FBXL17: variants seen among roughly 807,000 people sequenced by gnomAD.
FBXL17 encodes F-box and leucine rich repeat protein 17, also known as F-box/LRR-repeat protein 17.
FBXL17 carries 22 observed loss-of-function variants against 66.2 expected under a neutral mutation model. The ratio of observed to expected loss-of-function variants is 0.33; its 90% CI spans 0.24 to 0.47. The LOEUF (loss-of-function observed/expected upper bound fraction) is 0.47, where lower values mean the gene tolerates loss of function less well. FBXL17 is among the 20% of genes least tolerant of loss of function. The pLI is 1.00. For missense variants in FBXL17, 878 were observed against 948.2 expected (o/e 0.93, Z 0.97); for synonymous variants, 474 against 400.5 (o/e 1.18, Z -2.19).
At chr5:108,009,194 CATATATATATATAT>C (rs373679985) in intron 7 of FBXL17, among the ~76,000 whole-genome samples, 10 of 54,160 alleles carry the variant, frequency 1.8e-4, no homozygotes, top group East Asian at 9.8e-4. Context: ...ATTTGAAAAG[CATATATATATATAT>C]ATATATATAT....
chr5:108,060,720 C>T (rs1747886371), intron 6 of FBXL17, among the ~76,000 whole-genome samples: 1 of 151,996 alleles, frequency 6.6e-6, no homozygotes, highest in Non-Finnish European at 1.5e-5. Flanking sequence ...TCATTCCATC[C>T]CCCCCTCCCA....
chr5:108,123,855 T>C (rs1165709680), intron 6 of FBXL17, among the ~76,000 whole-genome samples: 1 of 152,150 alleles, frequency 6.6e-6, no homozygotes, highest in Non-Finnish European at 1.5e-5. Context: ...TACTTTCATA[T>C]GGAAAACATA....
intron 7 of FBXL17, among the ~76,000 whole-genome samples, chr5:107,888,107 C>T (rs1749035655): frequency 6.6e-6 from 1 of 152,162 alleles, no homozygotes; most frequent in Admixed American, 6.5e-5. Flanking sequence ...TGTACACTGA[C>T]CACACTCTAA....
At chr5:107,904,976 G>A (rs928454840) in intron 7 of FBXL17, among the ~76,000 whole-genome samples, 1 of 151,760 alleles carries the variant, frequency 6.6e-6, no homozygotes, top group Admixed American at 6.6e-5. Context: ...GGAAGAGGAG[G>A]GAAGAGGAAA....
intron 6 of FBXL17, among the ~76,000 whole-genome samples, chr5:108,058,898 A>G (rs1413071481): frequency 6.6e-6 from 1 of 152,190 alleles, no homozygotes; most frequent in African/African-American, 2.4e-5. Context: ...ATGATTGTTT[A>G]GCTGAATATG....
intron 6 of FBXL17, among the ~76,000 whole-genome samples, chr5:108,082,869 A>G (rs1428536065): frequency 2.0e-5 from 3 of 152,216 alleles, no homozygotes; most frequent in African/African-American, 7.2e-5. Context: ...AAATAGTTGA[A>G]TTCTTCCAAT....
At chr5:108,366,668 C>T (rs975315217) in intron 2 of FBXL17, among the ~76,000 whole-genome samples, 1 of 151,960 alleles carries the variant, frequency 6.6e-6, no homozygotes, top group Non-Finnish European at 1.5e-5. Flanking sequence ...TGATAGATTG[C>T]TTTACACATA....
intron 4 of FBXL17, among the ~76,000 whole-genome samples, chr5:108,341,699 T>G (rs1450289795): frequency 6.6e-6 from 1 of 152,136 alleles, no homozygotes; most frequent in Non-Finnish European, 1.5e-5. Context: ...AACCTGGTCC[T>G]TTCTTTCTTT....
intron 8 of FBXL17, among the ~76,000 whole-genome samples, chr5:107,863,554 T>G (rs1748191528): frequency 6.6e-6 from 1 of 152,022 alleles, no homozygotes; most frequent in African/African-American, 2.4e-5. Context: ...ATTCACTCTT[T>G]CAATACTCCC....
At chr5:108,055,287 A>C (rs1316993758) in intron 6 of FBXL17, among the ~76,000 whole-genome samples, 1 of 46,858 alleles carries the variant, frequency 2.1e-5, no homozygotes, top group African/African-American at 9.6e-5. Context: ...TTAGAAAAAA[A>C]AAAAAAAAAA....
chr5:108,212,679 T>A (rs1754429498), intron 5 of FBXL17, among the ~76,000 whole-genome samples: 1 of 152,294 alleles, frequency 6.6e-6, no homozygotes, highest in East Asian at 1.9e-4. Flanking sequence ...TGATCTTTCC[T>A]CAGGAAGCTT....
intron 6 of FBXL17, among the ~76,000 whole-genome samples, chr5:108,126,646 T>TATATATATATATA (rs1324129944): frequency 4.4e-4 from 34 of 77,390 alleles, no homozygotes; most frequent in African/African-American, 1.4e-3. Context: ...TCTCTCTCTC[T>TATATATATATATA]CTCTCTATAT....
intron 4 of FBXL17, among the ~76,000 whole-genome samples, chr5:108,237,978 A>G (rs1755681257): frequency 6.6e-6 from 1 of 152,234 alleles, no homozygotes; most frequent in African/African-American, 2.4e-5. Context: ...CCATTTGTTT[A>G]CTCAACTCTT....
rs372216434 is a variant in FBXL17, at chr5:108,322,712, C to T, written c.1506+25687G>A. Among the ~76,000 whole-genome samples, 138 of 151,942 alleles carry T rather than the reference C, an allele frequency of 9.1e-4. 2 individuals are homozygous for T. In the South Asian group the frequency reaches 0.027, roughly 30 times the overall value. On this transcript the variant is annotated intron_variant, in intron 4 of 8. Coordinates refer to ENST00000542267, the MANE Select transcript of FBXL17 (RefSeq NM_001163315.3). The stretch of plus-strand genomic sequence containing the variant: ...AACTATTACTCTAGATCTCTCAAAT[C>T]ATCTATTAAATTTCCATCAATAATT...
chr5:108,020,575 T>C (rs1754554897), intron 7 of FBXL17, among the ~76,000 whole-genome samples: 2 of 151,916 alleles, frequency 1.3e-5, no homozygotes, highest in Admixed American at 6.6e-5. Context: ...AAACTCAATG[T>C]AATAATTTTC....
rs552214304 is a variant in FBXL17 at position 108,159,849 on chromosome 5, C to G, written c.1745+26268G>C. On this transcript the variant is annotated intron_variant, in intron 6 of 8. Transcript: ENST00000542267. Reference sequence around the variant, plus strand: ...GATGTCTTTTACGAGCCAAAATCCCCTAAATACTACATGAAGATATAAAAG... The same window carrying G: ...GATGTCTTTTACGAGCCAAAATCCCGTAAATACTACATGAAGATATAAAAG... Among the ~76,000 whole-genome samples, 36 of 152,202 alleles carry G rather than the reference C, an allele frequency of 2.4e-4. 1 individual carries two copies. The South Asian group carries it at 6.6e-3, about 28-fold the overall frequency.
intron 1 of FBXL17, among the ~76,000 whole-genome samples, chr5:108,371,678 A>G (rs1269451732): frequency 6.6e-6 from 1 of 152,228 alleles, no homozygotes; most frequent in Non-Finnish European, 1.5e-5. Context: ...AATTATGAGA[A>G]CCAAATAGAA....
chr5:108,053,845 A>G (rs1480355440), intron 6 of FBXL17, among the ~76,000 whole-genome samples: 1 of 152,210 alleles, frequency 6.6e-6, no homozygotes, highest in Non-Finnish European at 1.5e-5. Context: ...ACAATACCAA[A>G]GTCATAGAAC....
At chr5:108,057,592 C>T (rs899759541) in intron 6 of FBXL17, among the ~76,000 whole-genome samples, 1 of 152,126 alleles carries the variant, frequency 6.6e-6, no homozygotes, top group Non-Finnish European at 1.5e-5. Flanking sequence ...GCACAATCTT[C>T]AAAAACTCTA....
Sources: gnomAD v4.1 joint callset for allele counts (sites outside exome capture counted in the v4.1 genomes callset) on GRCh38, gnomAD v4.1.1 for gene constraint, MANE v1.5 for transcripts, NCBI Gene and HGNC (gene_info 2026-07-23, HGNC 2026-07-21) for gene names.